Variants in TNFRSF21 observed in about 807,000 individuals in gnomAD.
TNFRSF21 encodes the protein TNF receptor superfamily member 21.
In TNFRSF21, 19 loss-of-function variants were observed where a neutral mutation model predicts 45.6. That is an observed-to-expected ratio of 0.42 (90% CI 0.29 to 0.61). The LOEUF (loss-of-function observed/expected upper bound fraction) is 0.61, where lower values mean the gene tolerates loss of function less well. Among genes scored for constraint, TNFRSF21 ranks in the 20% least tolerant of loss-of-function variants. The pLI is 0.23. For missense variants in TNFRSF21, 737 were observed against 851.5 expected (o/e 0.87, Z 1.67); for synonymous variants, 314 against 335.5 (o/e 0.94, Z 0.70).
intron 1 of TNFRSF21, among the ~76,000 whole-genome samples, chr6:47,305,951 TA>T (rs1289476129): frequency 6.6e-6 from 1 of 152,140 alleles, no homozygotes; most frequent in Non-Finnish European, 1.5e-5. Flanking sequence ...GGCACAAACC[TA>T]AAGCTCTCAT....
intron 3 of TNFRSF21, among the ~76,000 whole-genome samples, chr6:47,279,411 T>C (rs1028926143): frequency 2.0e-5 from 3 of 152,206 alleles, no homozygotes; most frequent in African/African-American, 4.8e-5. Flanking sequence ...GTAGCCTCCA[T>C]AGCTCTAAGG....
intron 3 of TNFRSF21, among the ~76,000 whole-genome samples, chr6:47,282,345 T>C (rs1762579737): frequency 1.3e-5 from 2 of 148,498 alleles, no homozygotes; most frequent in African/African-American, 5.0e-5. Context: ...GATCACACCA[T>C]TGCACTCCAG....
At chr6:47,291,121 A>G (rs927805452) in intron 1 of TNFRSF21, among the ~76,000 whole-genome samples, 1 of 152,238 alleles carries the variant, frequency 6.6e-6, no homozygotes, top group African/African-American at 2.4e-5. Context: ...GGCAAGAAGC[A>G]GTGAAAGAGG....
rs540816949 is a variant in TNFRSF21 at position 47,253,319 on chromosome 6, C to T, written c.1446G>A (p.Leu482=). 10 of 1,613,938 alleles carry T rather than the reference C, an allele frequency of 6.2e-6. 1 individual carries two copies. The South Asian group carries it at 1.1e-4, about 18-fold the overall frequency. Residue 482 remains leucine, a synonymous_variant, in exon 4 of 6, where the codon CTG becomes CTA. Coordinates refer to ENST00000296861, the MANE Select transcript of TNFRSF21 (RefSeq NM_014452.5). ...EASLAQLISA[L]RQHRRNDVVE... ...CAACATCGTTTCTCCGGTGCTGGCG[C>T]AGGGCGCTAATTAGCTGGGCGAGGC...
At chr6:47,282,792 A>C (rs1327495842) in intron 3 of TNFRSF21, among the ~76,000 whole-genome samples, 1 of 152,180 alleles carries the variant, frequency 6.6e-6, no homozygotes, top group African/African-American at 2.4e-5. Context: ...TCCTGGCTAA[A>C]ATCAAAAACT....
At chr6:47,268,490 G>A (rs1452562590) in intron 3 of TNFRSF21, among the ~76,000 whole-genome samples, 1 of 152,168 alleles carries the variant, frequency 6.6e-6, no homozygotes, top group Non-Finnish European at 1.5e-5. Flanking sequence ...AGGGTTCAAG[G>A]AAAGGAGGCA....
chr6:47,259,269 T>A (rs1019370912), intron 3 of TNFRSF21, among the ~76,000 whole-genome samples: 1 of 152,236 alleles, frequency 6.6e-6, no homozygotes, highest in African/African-American at 2.4e-5. Flanking sequence ...ATCTAAATTG[T>A]TTAACTGGAT....
chr6:47,291,433 A>C (rs990687973), intron 1 of TNFRSF21, among the ~76,000 whole-genome samples: 1 of 152,208 alleles, frequency 6.6e-6, no homozygotes, highest in African/African-American at 2.4e-5. Flanking sequence ...TGAAAAACCA[A>C]CATGGAAGGT....
At position 47,232,624 on chromosome 6, in the gene TNFRSF21, A is replaced by AACACACAC. The variant is rs34093099; in HGVS notation, c.*133_*140dup. ...CAAGCACTGGCCATATTCTCTGTTA[A>AACACACAC]ACACACACACACACACACACACACA... On this transcript the variant is annotated 3_prime_UTR_variant, in exon 6 of 6. Transcript: ENST00000296861. The AACACACAC allele has an allele frequency of 6.1e-3, 3,409 of 562,670 alleles. 54 individuals are homozygous for AACACACAC. The highest frequency in any genetic ancestry group is 0.048 in the African/African-American group (2,417 of 50,102). The allele number at this position is 562,670 out of a possible 1,614,324, so 34.9% of individuals were successfully genotyped here.
chr6:47,303,833 T>C (rs1762904419), intron 1 of TNFRSF21, among the ~76,000 whole-genome samples: 1 of 152,256 alleles, frequency 6.6e-6, no homozygotes, highest in Non-Finnish European at 1.5e-5. Flanking sequence ...GCAAGGCCAG[T>C]ATTTATTCAT....
chr6:47,244,359 T>C (rs1764795485), intron 4 of TNFRSF21, among the ~76,000 whole-genome samples: 2 of 151,984 alleles, frequency 1.3e-5, no homozygotes, highest in South Asian at 4.2e-4. Context: ...CAGTATTTCC[T>C]TCTCTGTGAA....
intron 5 of TNFRSF21, 132 bp downstream of exon 5, chr6:47,234,538 T>TG: frequency 1.3e-6 from 1 of 749,392 alleles, no homozygotes. Flanking sequence ...AGTTTTGGAC[T>TG]GGTCTTCCTG....
chr6:47,277,794 A>G (rs1011126395), intron 3 of TNFRSF21, among the ~76,000 whole-genome samples: 3 of 152,188 alleles, frequency 2.0e-5, no homozygotes, highest in African/African-American at 7.2e-5. Context: ...CCAGAATTTT[A>G]GAACCCAGGT....
chr6:47,275,838 G>A (rs753809039), intron 3 of TNFRSF21, among the ~76,000 whole-genome samples: 6 of 152,082 alleles, frequency 3.9e-5, no homozygotes, highest in Admixed American at 6.6e-5. Context: ...CAATCCTTCA[G>A]TGGCATGAGG....
chr6:47,293,217 C>G (rs995926103), intron 1 of TNFRSF21, among the ~76,000 whole-genome samples: 8 of 152,184 alleles, frequency 5.3e-5, no homozygotes, highest in African/African-American at 1.9e-4. Context: ...TGATTATAAG[C>G]AGCTCAAGGC....
intron 3 of TNFRSF21, among the ~76,000 whole-genome samples, chr6:47,273,064 C>T (rs1762450488): frequency 6.6e-6 from 1 of 152,130 alleles, no homozygotes; most frequent in African/African-American, 2.4e-5. Context: ...GATGGATTCA[C>T]AGCCAAATTC....
chr6:47,258,032 G>T (rs1487861422), intron 3 of TNFRSF21, among the ~76,000 whole-genome samples: 1 of 152,176 alleles, frequency 6.6e-6, no homozygotes. Context: ...TGGCCACAGT[G>T]TGTGTGCTGC....
intron 4 of TNFRSF21, among the ~76,000 whole-genome samples, chr6:47,239,921 C>T (rs113556827): frequency 3.8e-4 from 58 of 152,168 alleles, no homozygotes; most frequent in African/African-American, 1.3e-3. Flanking sequence ...ACCTGCTCAA[C>T]GAAAGTTTAC....
At chr6:47,233,023 G>A (rs1225643555) in intron 5 of TNFRSF21, 29 bp from the exon 6 acceptor site, 1 of 1,607,436 alleles carries the variant, frequency 6.2e-7, no homozygotes, top group African/African-American at 1.3e-5. Flanking sequence ...AGCAAAGACA[G>A]CTGTAAGGTG....
Sources: allele counts gnomAD v4.1 joint callset (sites outside exome capture counted in the v4.1 genomes callset), GRCh38; gene constraint gnomAD v4.1.1; transcripts MANE v1.5; gene names NCBI Gene and HGNC (gene_info 2026-07-23, HGNC 2026-07-21).